The following NELL2 variants were observed in gnomAD, a reference collection of about 807,000 sequenced individuals.
NELL2 encodes protein kinase C-binding protein NELL2.
In NELL2, 41 loss-of-function variants were observed where a neutral mutation model predicts 109.6. The observed-to-expected ratio is 0.37, with a 90% CI of 0.29 to 0.49. NELL2 has a LOEUF of 0.49. NELL2 is among the 20% of genes least tolerant of loss of function. The pLI, the probability that NELL2 is intolerant of heterozygous loss-of-function variation, is 0.98. For synonymous variants in NELL2, 355 were observed against 344.7 expected (o/e 1.03, Z -0.33); for missense variants, 900 against 1,008.3 (o/e 0.89, Z 1.45).
At position 44,783,399 on chromosome 12, in the gene NELL2, A is replaced by T. The variant is rs1008548132; in HGVS notation, c.336-3377T>A. Among the ~76,000 whole-genome samples, 11 of 151,866 alleles carry T rather than the reference A, an allele frequency of 7.2e-5. No homozygotes were observed. The Middle Eastern group carries it at 0.014, about 188-fold the overall frequency. On this transcript the variant is annotated intron_variant, in intron 3 of 19. Transcript: ENST00000429094. ...TAAAGAGCAGAAATCAATACAATTT[A>T]AAAAAATTGAAAAAAATCAATGAAC...
intron 13 of NELL2, among the ~76,000 whole-genome samples, chr12:44,638,076 A>C (rs1015983861): frequency 2.0e-5 from 3 of 152,032 alleles, no homozygotes; most frequent in Admixed American, 2.0e-4. Flanking sequence ...CACTCCCGAG[A>C]ATTTTCTTCC....
At chr12:44,671,913 C>A (rs1374474855) in intron 12 of NELL2, among the ~76,000 whole-genome samples, 3 of 152,062 alleles carry the variant, frequency 2.0e-5, no homozygotes, top group Non-Finnish European at 2.9e-5. Context: ...TCCATGTGCA[C>A]AAAGATATGA....
chr12:44,710,604 C>T (rs923198741), intron 11 of NELL2, among the ~76,000 whole-genome samples: 1 of 152,030 alleles, frequency 6.6e-6, no homozygotes, highest in Non-Finnish European at 1.5e-5. Flanking sequence ...TAATAAGATA[C>T]CTAGTTTAAA....
intron 2 of NELL2, among the ~76,000 whole-genome samples, chr12:44,852,428 C>A (rs7952764): frequency 0.35 from 53,633 of 151,978 alleles, 9,846 homozygotes; most frequent in South Asian, 0.57. Context: ...CACCTCTATT[C>A]TGTGTTTTTC....
At chr12:44,848,698 A>C (rs1181598301) in intron 2 of NELL2, among the ~76,000 whole-genome samples, 3 of 152,176 alleles carry the variant, frequency 2.0e-5, no homozygotes, top group Admixed American at 1.3e-4. Context: ...GGGGCAGGCT[A>C]TTTGAGAAAC....
intron 13 of NELL2, among the ~76,000 whole-genome samples, chr12:44,648,731 A>ATTT (rs71459072): frequency 6.7e-5 from 6 of 89,700 alleles, no homozygotes; most frequent in Non-Finnish European, 1.0e-4. Context: ...ATATATATAT[A>ATTT]TTTTTTTTTT....
chr12:44,594,141 G>A (rs1381330609), intron 15 of NELL2, among the ~76,000 whole-genome samples: 1 of 151,916 alleles, frequency 6.6e-6, no homozygotes, highest in Admixed American at 6.6e-5. Context: ...GGGCCTGTTG[G>A]GGGTGGCGGG....
intron 1 of NELL2, among the ~76,000 whole-genome samples, chr12:44,906,301 T>C (rs1054171038): frequency 3.3e-5 from 5 of 152,116 alleles, no homozygotes; most frequent in African/African-American, 9.7e-5. Context: ...GGTTAAATTA[T>C]GTGAATTTTA....
intron 2 of NELL2, among the ~76,000 whole-genome samples, chr12:44,856,262 C>T (rs1225145608): frequency 1.3e-5 from 2 of 152,246 alleles, no homozygotes; most frequent in African/African-American, 4.8e-5. Context: ...ATTCCTTCCT[C>T]TCCTATGCTA....
intron 15 of NELL2, among the ~76,000 whole-genome samples, chr12:44,571,086 G>A (rs376061857): frequency 1.6e-4 from 25 of 152,112 alleles, no homozygotes; most frequent in Non-Finnish European, 3.5e-4. Flanking sequence ...AAGGCAGGTA[G>A]AATCTTATAA....
chr12:44,873,203 T>G (rs1270599832), intron 2 of NELL2, among the ~76,000 whole-genome samples: 2 of 152,176 alleles, frequency 1.3e-5, no homozygotes, highest in Admixed American at 1.3e-4. Context: ...TTTTACACCT[T>G]CAAATCTCAT....
chr12:44,713,661 C>G (rs1291580498), intron 10 of NELL2, among the ~76,000 whole-genome samples: 5 of 151,922 alleles, frequency 3.3e-5, no homozygotes, highest in Non-Finnish European at 7.4e-5. Context: ...CTTTCATGTT[C>G]TAGAAATCAA....
At chr12:44,526,675 A>G (rs1941789948) in intron 16 of NELL2, among the ~76,000 whole-genome samples, 3 of 152,242 alleles carry the variant, frequency 2.0e-5, no homozygotes, top group African/African-American at 7.2e-5. Context: ...AGAACGATGT[A>G]TAGATTTCTG....
chr12:44,746,382 G>T (rs1940353914), intron 9 of NELL2, among the ~76,000 whole-genome samples: 1 of 152,046 alleles, frequency 6.6e-6, no homozygotes, highest in Non-Finnish European at 1.5e-5. Flanking sequence ...CAGGACATAG[G>T]CATGGGCAAG....
At chr12:44,606,206 G>T (rs1945396932) in intron 15 of NELL2, among the ~76,000 whole-genome samples, 1 of 152,098 alleles carries the variant, frequency 6.6e-6, no homozygotes. Context: ...CACAGTAGCA[G>T]ATTCTATTCA....
At chr12:44,798,018 C>A (rs1942691544) in intron 3 of NELL2, among the ~76,000 whole-genome samples, 1 of 103,284 alleles carries the variant, frequency 9.7e-6, no homozygotes, top group Non-Finnish European at 2.2e-5. Context: ...GGAATAAAAG[C>A]ATTCCATCCT....
intron 9 of NELL2, among the ~76,000 whole-genome samples, chr12:44,767,038 G>A (rs139222285): frequency 2.6e-5 from 4 of 152,170 alleles, no homozygotes; most frequent in Admixed American, 6.5e-5. Context: ...AATTAAATAG[G>A]CACAGTATAA....
At chr12:44,540,967 C>T (rs926034847) in intron 15 of NELL2, among the ~76,000 whole-genome samples, 9 of 151,506 alleles carry the variant, frequency 5.9e-5, no homozygotes, top group Admixed American at 2.6e-4. Flanking sequence ...GATAATTGGC[C>T]GGGCGCGGTG....
chr12:44,854,303 T>C (rs1276835980), intron 2 of NELL2, among the ~76,000 whole-genome samples: 1 of 152,132 alleles, frequency 6.6e-6, no homozygotes, highest in Non-Finnish European at 1.5e-5. Flanking sequence ...CTATTAAGAA[T>C]ACATATTTAT....
Sources: gnomAD v4.1 joint callset for allele counts (sites outside exome capture counted in the v4.1 genomes callset) on GRCh38, gnomAD v4.1.1 for gene constraint, MANE v1.5 for transcripts, NCBI Gene and HGNC (gene_info 2026-07-23, HGNC 2026-07-21) for gene names.